Variants in PDSS2 observed in about 807,000 individuals in gnomAD.
PDSS2 encodes all trans-polyprenyl-diphosphate synthase PDSS2.
A neutral mutation model predicts 44.5 loss-of-function variants in PDSS2; 31 were observed. That is an observed-to-expected ratio of 0.70 (90% CI 0.52 to 0.94). The LOEUF is 0.94. Among genes scored for constraint, PDSS2 ranks in the 40% least tolerant of loss-of-function variants. The probability of loss-of-function intolerance (pLI) is 0.00; values close to 1 mark genes in which losing one functional copy is unlikely to be tolerated. For missense variants in PDSS2, 452 were observed against 482.2 expected, an observed-to-expected ratio of 0.94 and a Z score of 0.59; for synonymous variants, 157 against 180.3, an observed-to-expected ratio of 0.87 and a Z score of 1.03.
intron 2 of PDSS2, among the ~76,000 whole-genome samples, chr6:107,299,472 T>G (rs1776624261): frequency 6.6e-6 from 1 of 152,170 alleles, no homozygotes. Context: ...CTCTAGAGGA[T>G]CTGCACCTGC....
At chr6:107,421,436 C>T (rs1245982027) in intron 1 of PDSS2, among the ~76,000 whole-genome samples, 3 of 151,996 alleles carry the variant, frequency 2.0e-5, no homozygotes, top group African/African-American at 7.2e-5. Context: ...AGAAACAACC[C>T]AAATGTTTAT....
At chr6:107,261,578 C>CTTTTTTTTTTTTT (rs36106088) in intron 3 of PDSS2, among the ~76,000 whole-genome samples, 6 of 112,840 alleles carry the variant, frequency 5.3e-5, no homozygotes, top group South Asian at 2.9e-4. Context: ...TCTTTTCTTT[C>CTTTTTTTTTTTTT]TTTTTTTTTT....
chr6:107,387,907 TAGG>T (rs1562505600), intron 1 of PDSS2, among the ~76,000 whole-genome samples: 1 of 152,220 alleles, frequency 6.6e-6, no homozygotes, highest in Non-Finnish European at 1.5e-5. Flanking sequence ...AGCAGACAAC[TAGG>T]AGAAGAATGT....
At chr6:107,283,039 C>CTGGG (rs1776020575) in intron 2 of PDSS2, among the ~76,000 whole-genome samples, 1 of 151,472 alleles carries the variant, frequency 6.6e-6, no homozygotes, top group Admixed American at 6.6e-5. Context: ...AACAGTTTGG[C>CTGGG]TGGGTGTGGT....
chr6:107,273,863 G>C (rs182605812), intron 3 of PDSS2, among the ~76,000 whole-genome samples, 166 bp downstream of exon 3: 90 of 152,144 alleles, frequency 5.9e-4, no homozygotes, highest in Admixed American at 2.2e-3. Flanking sequence ...TTTACACTTT[G>C]CCTGGTACTA....
chr6:107,446,177 G>A (rs535628991), intron 1 of PDSS2, among the ~76,000 whole-genome samples: 22 of 152,114 alleles, frequency 1.4e-4, no homozygotes, highest in Admixed American at 1.3e-3. Flanking sequence ...TTAGCTGGGC[G>A]TGGTGGTGCA....
chr6:107,441,938 T>C (rs1487807145), intron 1 of PDSS2, among the ~76,000 whole-genome samples: 2 of 152,138 alleles, frequency 1.3e-5, no homozygotes, highest in Admixed American at 1.3e-4. Flanking sequence ...AGACCCCCTC[T>C]CACAGGACTT....
chr6:107,380,756 C>G (rs969417182), intron 1 of PDSS2, among the ~76,000 whole-genome samples: 3 of 152,176 alleles, frequency 2.0e-5, no homozygotes, highest in Non-Finnish European at 4.4e-5. Flanking sequence ...GCGGTTTCCC[C>G]TGAGACCTCA....
At chr6:107,170,606 A>ACCCC (rs201361243) in intron 7 of PDSS2, among the ~76,000 whole-genome samples, 7 of 96,562 alleles carry the variant, frequency 7.2e-5, no homozygotes, top group African/African-American at 2.4e-4. Flanking sequence ...TCTTGGAACC[A>ACCCC]CCCCCCCCCC....
At chr6:107,383,917 A>G (rs1462068761) in intron 1 of PDSS2, among the ~76,000 whole-genome samples, 1 of 152,242 alleles carries the variant, frequency 6.6e-6, no homozygotes, top group East Asian at 1.9e-4. Flanking sequence ...TACTCTACAT[A>G]TACACCAAAG....
intron 4 of PDSS2, among the ~76,000 whole-genome samples, chr6:107,212,561 G>A (rs1773257561): frequency 6.6e-6 from 1 of 152,104 alleles, no homozygotes; most frequent in Non-Finnish European, 1.5e-5. Context: ...CAGGATAAGG[G>A]AAAAAGTAGA....
At chr6:107,367,296 C>T (rs1451355169) in intron 1 of PDSS2, among the ~76,000 whole-genome samples, 1 of 152,112 alleles carries the variant, frequency 6.6e-6, no homozygotes, top group Non-Finnish European at 1.5e-5. Context: ...TAAAATACAA[C>T]ACCTATTCAC....
rs551440944 is a variant in PDSS2 at position 107,161,587 on chromosome 6, T to C, written c.1042-6810A>G. The stretch of plus-strand genomic sequence containing the variant: ...CTTGAACCATGGCCCTAGGCTAAAT[T>C]TGACCCTGTGTTCTCATAAATAAAG... On this transcript the variant is annotated intron_variant, in intron 7 of 7. Transcript: ENST00000369037. 3.3e-5 allele frequency among the ~76,000 whole-genome samples: 5 copies of C among 152,316 alleles called. No individual in the cohort carries two copies. In the East Asian group the frequency reaches 9.6e-4, roughly 29 times the overall value.
chr6:107,428,281 A>G (rs1307260995), intron 1 of PDSS2, among the ~76,000 whole-genome samples: 1 of 152,234 alleles, frequency 6.6e-6, no homozygotes, highest in Non-Finnish European at 1.5e-5. Flanking sequence ...TCCCCACTTA[A>G]TTTTAATCAG....
chr6:107,260,872 C>T (rs970362463), intron 3 of PDSS2, among the ~76,000 whole-genome samples: 14 of 151,898 alleles, frequency 9.2e-5, no homozygotes, highest in African/African-American at 3.4e-4. Context: ...CCGTGTTAGC[C>T]AGGATGGTCT....
intron 1 of PDSS2, among the ~76,000 whole-genome samples, chr6:107,392,227 G>A (rs957063325): frequency 6.6e-6 from 1 of 151,998 alleles, no homozygotes; most frequent in Admixed American, 6.5e-5. Flanking sequence ...TTTTAACATC[G>A]GCCAAGTGTA....
intron 7 of PDSS2, among the ~76,000 whole-genome samples, chr6:107,156,667 T>C (rs1274891362): frequency 6.6e-6 from 1 of 152,166 alleles, no homozygotes; most frequent in African/African-American, 2.4e-5. Flanking sequence ...GGATGTCACT[T>C]TGTGGCTGCA....
At chr6:107,230,307 G>C (rs1256406627) in intron 4 of PDSS2, among the ~76,000 whole-genome samples, 1 of 151,814 alleles carries the variant, frequency 6.6e-6, no homozygotes, top group Non-Finnish European at 1.5e-5. Flanking sequence ...GCCCTCTCCA[G>C]CCTGGGGAGG....
At chr6:107,440,832 A>G (rs925946252) in intron 1 of PDSS2, among the ~76,000 whole-genome samples, 1 of 152,210 alleles carries the variant, frequency 6.6e-6, no homozygotes, top group Non-Finnish European at 1.5e-5. Flanking sequence ...ATAATAATAA[A>G]CTATAATGAA....
Sources: gnomAD v4.1 joint callset for allele counts (sites outside exome capture counted in the v4.1 genomes callset) on GRCh38, gnomAD v4.1.1 for gene constraint, MANE v1.5 for transcripts, NCBI Gene and HGNC (gene_info 2026-07-23, HGNC 2026-07-21) for gene names.